COPS8: variants seen among roughly 807,000 people sequenced by gnomAD.
COPS8 encodes the protein COP9 signalosome complex subunit 8.
COPS8 carries 11 observed loss-of-function variants against 31.5 expected under a neutral mutation model. That is an observed-to-expected ratio of 0.35 (90% CI 0.22 to 0.58). The LOEUF (loss-of-function observed/expected upper bound fraction) is 0.58, where lower values mean the gene tolerates loss of function less well. Ranked by LOEUF, COPS8 falls within the 20% of genes least tolerant of loss-of-function variation. The pLI, the probability that COPS8 is intolerant of heterozygous loss-of-function variation, is 0.83. For synonymous variants in COPS8, 81 were observed against 89.3 expected (o/e 0.91, Z 0.52); for missense variants, 215 against 255.1 (o/e 0.84, Z 1.07).
chr2:237,086,319 A>G (rs1379589041), intron 1 of COPS8, among the ~76,000 whole-genome samples: 1 of 152,088 alleles, frequency 6.6e-6, no homozygotes, highest in African/African-American at 2.4e-5. Flanking sequence ...GCTCATATTA[A>G]TTAGGCATCT....
Position 237,097,783 on chromosome 2 carries a change from A to G in COPS8, c.*41A>G. 1 of 1,421,266 alleles carries G rather than the reference A, an allele frequency of 7.0e-7. No homozygotes were observed. The highest frequency in any genetic ancestry group is 9.9e-7 in the Non-Finnish European group (1 of 1,009,422). The allele number at this position is 1,421,266 out of a possible 1,614,324, so 88.0% of individuals were successfully genotyped here. A position where few individuals can be genotyped will look rare whatever the true frequency, so the allele number is the denominator to read the frequency against. ...TCAAGATTCATCTTCAGAATCCTGT[A>G]TACTGACAAACGTAGAAATGTAAAG... On this transcript the variant is annotated 3_prime_UTR_variant, in exon 8 of 8. Coordinates refer to ENST00000354371, the MANE Select transcript of COPS8 (RefSeq NM_006710.5).
intron 4 of COPS8, among the ~76,000 whole-genome samples, chr2:237,092,954 G>C (rs1696732316): frequency 1.3e-5 from 2 of 152,180 alleles, no homozygotes; most frequent in South Asian, 4.1e-4. Context: ...ACCCCTTCCT[G>C]TCGAGAAGTT....
chr2:237,086,436 A>G (rs1411473654), intron 1 of COPS8, among the ~76,000 whole-genome samples: 3 of 152,154 alleles, frequency 2.0e-5, no homozygotes, highest in Non-Finnish European at 4.4e-5. Flanking sequence ...ACGCACACCA[A>G]GAAAAATGTG....
rs758198801 is a variant in COPS8 at position 237,089,858 on chromosome 2, G to T, written c.199-4G>T. 2 of 1,611,948 alleles carry T rather than the reference G, an allele frequency of 1.2e-6. No homozygotes were observed. The highest frequency in any genetic ancestry group is 8.5e-7 in the Non-Finnish European group (1 of 1,179,622). On this transcript the variant is annotated splice_region_variant and splice_polypyrimidine_tract_variant and intron_variant, in intron 3 of 7. Transcript: ENST00000354371. ...ACCCTCTAAGGCAATAATATTTATT[G>T]CAGGCAAATTCTGAACTTGGGGGAA...
Position 237,096,837 on chromosome 2 carries a change from A to C in COPS8, c.518A>C (p.Asp173Ala), listed in dbSNP as rs756873308. ...TTGAATTTAGTTGCAGGGGCCCTGGATGTTTCCTTTAACAAGTTTATTCCC... is the reference window on the plus strand; with the variant it reads ...TTGAATTTAGTTGCAGGGGCCCTGGCTGTTTCCTTTAACAAGTTTATTCCC... ...LPRKPVAGAL[D>A]VSFNKFIPLS... Residue 173 changes from aspartate (D) to alanine (A), a missense_variant, in exon 7 of 8, where the codon GAT (aspartate) becomes GCT (alanine). Transcript: ENST00000354371. 1 of 1,611,254 alleles carries C rather than the reference A, an allele frequency of 6.2e-7. No individual in the cohort carries two copies. The highest frequency in any genetic ancestry group is 1.3e-5 in the African/African-American group (1 of 74,634).
chr2:237,092,812 A>G (rs891352283), intron 4 of COPS8, among the ~76,000 whole-genome samples: 1 of 152,166 alleles, frequency 6.6e-6, no homozygotes, highest in Non-Finnish European at 1.5e-5. Context: ...TTTTTAAGGA[A>G]TCTGAGAAAA....
At chr2:237,087,343 A>G (rs936846415) in intron 2 of COPS8, 146 bp downstream of exon 2, 1 of 574,096 alleles carries the variant, frequency 1.7e-6, no homozygotes, top group African/African-American at 1.9e-5. Context: ...TTCCTATTGA[A>G]TCATAGGTTA....
At chr2:237,095,659 T>C (rs1288782020) in intron 5 of COPS8, among the ~76,000 whole-genome samples, 163 bp from the exon 6 acceptor site, 1 of 152,234 alleles carries the variant, frequency 6.6e-6, no homozygotes, top group African/African-American at 2.4e-5. Context: ...ATTTCAATAA[T>C]AAGTTTCCAT....
At chr2:237,089,442 C>T (rs904982552) in intron 3 of COPS8, among the ~76,000 whole-genome samples, 12 of 152,144 alleles carry the variant, frequency 7.9e-5, no homozygotes, top group African/African-American at 2.9e-4. Context: ...CAATGTATGA[C>T]ATCTTAGATT....
chr2:237,086,197 C>T (rs1466757519), intron 1 of COPS8, among the ~76,000 whole-genome samples, 155 bp downstream of exon 1: 1 of 152,086 alleles, frequency 6.6e-6, no homozygotes, highest in Non-Finnish European at 1.5e-5. Flanking sequence ...ACCGCCGCAA[C>T]CTGCTCCGAC....
Position 237,095,930 on chromosome 2 carries a change from G to C in COPS8, c.502+46G>C, listed in dbSNP as rs372115466. 43 of 1,319,230 alleles carry C rather than the reference G, an allele frequency of 3.3e-5. 1 individual carries two copies. The African/African-American group carries it at 5.7e-4, about 17-fold the overall frequency. The allele number at this position is 1,319,230 out of a possible 1,614,324, so 81.7% of individuals were successfully genotyped here. On this transcript the variant is annotated intron_variant, in intron 6 of 7. Coordinates refer to ENST00000354371, the MANE Select transcript of COPS8 (RefSeq NM_006710.5). ...TTTACGCAGCACTGGACTCTTCTAA[G>C]ACTGCTTCAGGTTTTCAGTCTTTGG...
At chr2:237,088,395 A>G (rs927771024) in intron 2 of COPS8, among the ~76,000 whole-genome samples, 1 of 152,246 alleles carries the variant, frequency 6.6e-6, no homozygotes, top group Admixed American at 6.5e-5. Context: ...AGAAATGGCA[A>G]AATATTACTT....
intron 7 of COPS8, among the ~76,000 whole-genome samples, 198 bp downstream of exon 7, chr2:237,097,067 G>A (rs1483438897): frequency 5.3e-5 from 8 of 152,296 alleles, no homozygotes; most frequent in African/African-American, 1.4e-4. Context: ...TTGAGGCGGT[G>A]CCCTCCTCTG....
chr2:237,096,204 T>C (rs1347597171), intron 6 of COPS8, among the ~76,000 whole-genome samples: 2 of 152,198 alleles, frequency 1.3e-5, no homozygotes, highest in African/African-American at 4.8e-5. Flanking sequence ...AGCTGTTGTC[T>C]GTATTAAAAA....
Position 237,093,001 on chromosome 2 carries a change from G to A in COPS8, c.332-1089G>A, listed in dbSNP as rs144218782. ...TGAAAAGAAGGGGATAGGTGGAACA[G>A]TGTCTGCCGTAGTGGAAAGTTGCTT... On this transcript the variant is annotated intron_variant, in intron 4 of 7. Transcript: ENST00000354371. 2.5e-3 allele frequency among the ~76,000 whole-genome samples: 382 copies of A among 152,340 alleles called. 1 individual carries two copies. Among genetic ancestry groups the A allele is most frequent in the Middle Eastern group, 6.8e-3 (2 of 294 alleles).
chr2:237,085,944 G>T lies in COPS8; in HGVS notation c.-21G>T, dbSNP rs1393814423. 3 of 1,609,608 alleles carry T rather than the reference G, an allele frequency of 1.9e-6. No homozygotes were observed. The highest frequency in any genetic ancestry group is 1.7e-6 in the Non-Finnish European group (2 of 1,177,744). On this transcript the variant is annotated 5_prime_UTR_variant, in exon 1 of 8. Coordinates refer to ENST00000354371, the MANE Select transcript of COPS8 (RefSeq NM_006710.5). The stretch of plus-strand genomic sequence containing the variant: ...GGGGTTTGGCTGTCCGGACGGTGCA[G>T]CGGCGAGGCCGGCCGCGAAGATGCC...
intron 5 of COPS8, 80 bp downstream of exon 5, chr2:237,094,277 C>T: frequency 4.6e-6 from 6 of 1,316,688 alleles, no homozygotes; most frequent in Non-Finnish European, 6.4e-6. Flanking sequence ...TCCTCTGAAA[C>T]ACTTGGAACA....
In COPS8 at chr2:237,094,076, C is replaced by T. The variant is rs760994846; in HGVS notation, c.332-14C>T. 7 of 1,610,344 alleles carry T rather than the reference C, an allele frequency of 4.3e-6. No individual in the cohort carries two copies. The highest frequency in any genetic ancestry group is 5.9e-6 in the Non-Finnish European group (7 of 1,177,946). ...CCTGGTTCACTCTCTGCCAACCCACCACTCCCACAATAGATGCAACAAGGA... is the reference window on the plus strand; with the variant it reads ...CCTGGTTCACTCTCTGCCAACCCACTACTCCCACAATAGATGCAACAAGGA... On this transcript the variant is annotated splice_polypyrimidine_tract_variant and intron_variant, in intron 4 of 7. Transcript: ENST00000354371.
rs1696854169 is a variant in COPS8 at position 237,099,237 on chromosome 2, T to G, written c.*1495T>G. ...GCACATGTAGTTTATATGGTTATTT[T>G]GAGGGTAACAAAAGGAGAATGATTA... On this transcript the variant is annotated 3_prime_UTR_variant, in exon 8 of 8. Transcript: ENST00000354371. 1 of 152,212 alleles carries G rather than the reference T, an allele frequency of 6.6e-6. No homozygotes were observed. Among genetic ancestry groups the G allele is most frequent in the African/African-American group, 2.4e-5 (1 of 41,452 alleles). 9.4% of individuals were successfully genotyped at this position (152,212 alleles called of 1,614,324 possible). A position where few individuals can be genotyped will look rare whatever the true frequency, so the allele number is the denominator to read the frequency against.
Sources: allele counts gnomAD v4.1 joint callset (sites outside exome capture counted in the v4.1 genomes callset), GRCh38; gene constraint gnomAD v4.1.1; transcripts MANE v1.5; gene names NCBI Gene and HGNC (gene_info 2026-07-23, HGNC 2026-07-21).